Variants in MON2 observed in about 807,000 individuals in gnomAD.
The protein encoded by MON2 is protein MON2 homolog.
A neutral mutation model predicts 208.6 loss-of-function variants in MON2; 84 were observed. The ratio of observed to expected loss-of-function variants is 0.40; its 90% confidence interval spans 0.34 to 0.48. MON2 has a LOEUF of 0.48. Among genes scored for constraint, MON2 ranks in the 20% least tolerant of loss-of-function variants. The pLI, the probability that MON2 is intolerant of heterozygous loss-of-function variation, is 0.59. For missense variants in MON2, 1,611 were observed against 2,015.4 expected (o/e 0.80, Z 3.84); for synonymous variants, 660 against 694.0 (o/e 0.95, Z 0.77).
At chr12:62,585,635 C>T in intron 33 of MON2, 134 bp downstream of exon 33, 3 of 679,030 alleles carry the variant, frequency 4.4e-6, no homozygotes, top group African/African-American at 1.8e-5. Flanking sequence ...TTATTTATCC[C>T]ATATGGTGTA....
intron 26 of MON2, among the ~76,000 whole-genome samples, chr12:62,561,860 G>A (rs915693312): frequency 1.3e-5 from 2 of 152,232 alleles, no homozygotes; most frequent in East Asian, 3.9e-4. Context: ...CATTTGTGTA[G>A]TGTAAATTAG....
chr12:62,581,459 A>G lies in MON2; in HGVS notation c.4699+1039A>G, dbSNP rs142371696. Among the ~76,000 whole-genome samples the G allele has an allele frequency of 3.4e-3, 522 of 152,272 alleles. 2 individuals carry two copies. Among genetic ancestry groups the G allele is most frequent in the African/African-American group, 0.012 (491 of 41,566 alleles). On this transcript the variant is annotated intron_variant, in intron 32 of 34. Coordinates refer to ENST00000393630, the MANE Select transcript of MON2 (RefSeq NM_015026.3). ...TAGTCCTAGATACTCGGGTGGCTGA[A>G]GTGGGATGGCTTGAGCCCAGGAGGC...
At chr12:62,533,395 C>G (rs1407959320) in intron 12 of MON2, among the ~76,000 whole-genome samples, 1 of 152,184 alleles carries the variant, frequency 6.6e-6, no homozygotes, top group African/African-American at 2.4e-5. Flanking sequence ...GCTTTCCCTT[C>G]TGCATTTTTT....
At chr12:62,550,909 C>CTTTTTTTTTTTTT (rs869160726) in intron 23 of MON2, among the ~76,000 whole-genome samples, 5 of 43,810 alleles carry the variant, frequency 1.1e-4, no homozygotes, top group Non-Finnish European at 1.7e-4. Flanking sequence ...TTCTTTCTTT[C>CTTTTTTTTTTTTT]TTTTTTTTTT....
At chr12:62,468,702 A>G (rs1280901589) in intron 1 of MON2, among the ~76,000 whole-genome samples, 1 of 152,074 alleles carries the variant, frequency 6.6e-6, no homozygotes, top group Non-Finnish European at 1.5e-5. Context: ...TTTTTTTTAT[A>G]TCCTCTGTTG....
intron 8 of MON2, among the ~76,000 whole-genome samples, chr12:62,524,212 A>G (rs2093728445): frequency 6.6e-6 from 1 of 152,158 alleles, no homozygotes; most frequent in African/African-American, 2.4e-5. Context: ...GTTTTTAGAA[A>G]TGGAGATGGC....
intron 8 of MON2, among the ~76,000 whole-genome samples, chr12:62,520,868 AATATGT>A (rs983927230): frequency 2.0e-5 from 3 of 147,014 alleles, no homozygotes; most frequent in African/African-American, 7.4e-5. Context: ...TATATTATAT[AATATGT>A]AAAGATATTA....
At chr12:62,555,951 A>G (rs1289614637) in intron 24 of MON2, 43 bp from the exon 25 acceptor site, 3 of 1,405,378 alleles carry the variant, frequency 2.1e-6, no homozygotes, top group Admixed American at 1.9e-5. Context: ...TACTTAAGCT[A>G]TATTATCAAT....
At chr12:62,541,045 C>T (rs1415249457) in intron 19 of MON2, among the ~76,000 whole-genome samples, 2 of 152,116 alleles carry the variant, frequency 1.3e-5, no homozygotes, top group Non-Finnish European at 2.9e-5. Flanking sequence ...TTTTGATCCT[C>T]GTTGCAGGAA....
chr12:62,499,159 C>A, intron 5 of MON2, 111 bp downstream of exon 5: 1 of 1,115,656 alleles, frequency 9.0e-7, no homozygotes, highest in Non-Finnish European at 1.2e-6. Flanking sequence ...ATAATGGCAA[C>A]TTAAAAAATA....
intron 1 of MON2, among the ~76,000 whole-genome samples, chr12:62,477,624 C>G (rs2069164842): frequency 3.1e-5 from 1 of 32,682 alleles, no homozygotes; most frequent in Admixed American, 2.1e-4. Flanking sequence ...CCTATGTTGC[C>G]CAGGCGGTCA....
chr12:62,484,207 C>G lies in MON2; in HGVS notation c.149C>G (p.Ala50Gly). ...ESGIIKVKTI[A>G]ARNTEILAAL... ...GGAATAATAAAAGTTAAAACAATTGCTGCACGAAACACTGAAATTTTGGCA... is the reference window on the plus strand; with the variant it reads ...GGAATAATAAAAGTTAAAACAATTGGTGCACGAAACACTGAAATTTTGGCA... The change falls in exon 2 of 35, where the codon GCT (alanine) becomes GGT (glycine). Residue 50 changes from alanine (A) to glycine (G), a missense_variant. By Grantham distance (60) the Ala-to-Gly change is moderately conservative. Transcript: ENST00000393630. 6.2e-7 allele frequency: 1 copy of G among 1,600,834 alleles called. No homozygotes were observed. Among genetic ancestry groups the G allele is most frequent in the Admixed American group, 1.7e-5 (1 of 58,540 alleles).
chr12:62,556,716 T>TGA (rs1199183488), intron 25 of MON2, among the ~76,000 whole-genome samples: 2 of 152,060 alleles, frequency 1.3e-5, no homozygotes, highest in Non-Finnish European at 2.9e-5. Context: ...AGAAAGAGTT[T>TGA]GATTATCAAA....
chr12:62,520,878 G>T (rs1474205501), intron 8 of MON2, among the ~76,000 whole-genome samples: 2 of 140,970 alleles, frequency 1.4e-5, no homozygotes, highest in African/African-American at 2.6e-5. Flanking sequence ...AATATGTAAA[G>T]ATATTATTTT....
Position 62,549,784 on chromosome 12 carries a change from T to A in MON2, c.2870T>A (p.Leu957His). ...GTAGATGTTGCAGGTAGCTTTGGCC[T>A]CCATAACCAAGAACTCAATATTAGT... ...IVVDVAGSFG[L>H]HNQELNISLT... is the part of the protein sequence containing the mutation. Residue 957 changes from leucine to histidine, a missense_variant, in exon 23 of 35, where the codon CTC becomes CAC. Leu to His is a moderately conservative substitution (Grantham distance 99). Transcript: ENST00000393630. 1 of 1,611,694 alleles carries A rather than the reference T, an allele frequency of 6.2e-7. No individual in the cohort carries two copies. The highest frequency in any genetic ancestry group is 8.5e-7 in the Non-Finnish European group (1 of 1,178,904).
At chr12:62,479,889 C>T (rs2069310120) in intron 1 of MON2, among the ~76,000 whole-genome samples, 1 of 152,084 alleles carries the variant, frequency 6.6e-6, no homozygotes, top group Non-Finnish European at 1.5e-5. Flanking sequence ...ATAGGGAATA[C>T]TTTTAAAGCA....
At chr12:62,569,607 T>C (rs2074510875) in intron 29 of MON2, among the ~76,000 whole-genome samples, 1 of 152,130 alleles carries the variant, frequency 6.6e-6, no homozygotes, top group Admixed American at 6.5e-5. Flanking sequence ...TTCTTCTTCT[T>C]AAGTTCCTAA....
rs760432320 is a variant in MON2 at position 62,593,090 on chromosome 12, A to G, written c.*341A>G. ...TTAATGATGTACTTTTTAAAAAGAA[A>G]GAAGAGATATTTCAATTCAGTCAGA... On this transcript the variant is annotated 3_prime_UTR_variant, in exon 35 of 35. Coordinates refer to ENST00000393630, the MANE Select transcript of MON2 (RefSeq NM_015026.3). The G allele has an allele frequency of 6.0e-6, 1 of 165,640 alleles. No individual in the cohort carries two copies. The highest frequency in any genetic ancestry group is 1.3e-5 in the Non-Finnish European group (1 of 76,708). The allele number at this position is 165,640 out of a possible 1,614,324, so 10.3% of individuals were successfully genotyped here. A position where few individuals can be genotyped will look rare whatever the true frequency, so the allele number is the denominator to read the frequency against.
At chr12:62,538,066 ATTT>A in intron 16 of MON2, 27 bp from the exon 17 acceptor site, 1 of 1,581,612 alleles carries the variant, frequency 6.3e-7, no homozygotes, top group South Asian at 1.1e-5. Flanking sequence ...TTGTAAAGTT[ATTT>A]GTTTTGATTT....
Sources: gnomAD v4.1 joint callset for allele counts (sites outside exome capture counted in the v4.1 genomes callset) on GRCh38, gnomAD v4.1.1 for gene constraint, MANE v1.5 for transcripts, NCBI Gene and HGNC (gene_info 2026-07-23, HGNC 2026-07-21) for gene names.